Variants in RASAL2 observed in about 807,000 individuals in gnomAD.
The protein encoded by RASAL2 is ras GTPase-activating protein nGAP.
In RASAL2, 58 loss-of-function variants were observed where a neutral mutation model predicts 128.9. The observed-to-expected ratio is 0.45, with a 90% CI of 0.36 to 0.56. The LOEUF (loss-of-function observed/expected upper bound fraction) is 0.56, where lower values mean the gene tolerates loss of function less well. RASAL2 is among the 20% of genes least tolerant of loss of function. The pLI is 0.00. For synonymous variants in RASAL2, 561 were observed against 580.8 expected (o/e 0.97, Z 0.49); for missense variants, 1,360 against 1,601.6 (o/e 0.85, Z 2.57).
At chr1:178,367,990 A>C (rs2102504632) in intron 3 of RASAL2, among the ~76,000 whole-genome samples, 1 of 152,320 alleles carries the variant, frequency 6.6e-6, no homozygotes, top group African/African-American at 2.4e-5. Context: ...ATTGGAACAC[A>C]GCCATGCCCA....
At chr1:178,390,648 G>A (rs2102607048) in intron 4 of RASAL2, among the ~76,000 whole-genome samples, 1 of 152,144 alleles carries the variant, frequency 6.6e-6, no homozygotes, top group East Asian at 1.9e-4. Flanking sequence ...CAAAGTGTTG[G>A]GATTACAGGC....
At chr1:178,204,990 G>A (rs2101973459) in intron 1 of RASAL2, among the ~76,000 whole-genome samples, 1 of 152,272 alleles carries the variant, frequency 6.6e-6, no homozygotes, top group East Asian at 1.9e-4. Flanking sequence ...ATCATCTGGT[G>A]TCAAAGCATC....
At chr1:178,462,065 TTGA>T (rs1678238543) in intron 14 of RASAL2, among the ~76,000 whole-genome samples, 1 of 152,214 alleles carries the variant, frequency 6.6e-6, no homozygotes, top group Non-Finnish European at 1.5e-5. Context: ...TTCATTATCT[TTGA>T]TGATCATGTT....
chr1:178,301,207 G>A (rs1442546483), intron 3 of RASAL2, among the ~76,000 whole-genome samples: 1 of 152,128 alleles, frequency 6.6e-6, no homozygotes, highest in Admixed American at 6.5e-5. Context: ...GAGCCACCTT[G>A]GAGAAGTCAG....
chr1:178,277,890 G>A (rs1425374880), intron 1 of RASAL2, among the ~76,000 whole-genome samples: 1 of 152,130 alleles, frequency 6.6e-6, no homozygotes, highest in Non-Finnish European at 1.5e-5. Flanking sequence ...CCTTTATAAA[G>A]CTTTCTCTGG....
At chr1:178,223,546 G>T (rs1663689044) in intron 1 of RASAL2, among the ~76,000 whole-genome samples, 1 of 152,058 alleles carries the variant, frequency 6.6e-6, no homozygotes, top group African/African-American at 2.4e-5. Context: ...GGGTAGAGTG[G>T]GTATGAGTAG....
intron 1 of RASAL2, among the ~76,000 whole-genome samples, chr1:178,274,484 C>T (rs534441258): frequency 2.6e-5 from 4 of 152,206 alleles, no homozygotes; most frequent in South Asian, 2.1e-4. Context: ...ATTTTTCTGT[C>T]GGTAACAGAA....
At chr1:178,368,299 C>A (rs550922516) in intron 3 of RASAL2, among the ~76,000 whole-genome samples, 1 of 152,130 alleles carries the variant, frequency 6.6e-6, no homozygotes, top group Non-Finnish European at 1.5e-5. Flanking sequence ...ATACTTATCT[C>A]ACGTGGTTGT....
intron 1 of RASAL2, among the ~76,000 whole-genome samples, chr1:178,128,770 C>T (rs1015965403): frequency 2.6e-5 from 4 of 152,206 alleles, no homozygotes; most frequent in Non-Finnish European, 4.4e-5. Flanking sequence ...CATTTCAATA[C>T]ATAGAATCAT....
At chr1:178,428,322 G>T (rs377413267) in intron 5 of RASAL2, among the ~76,000 whole-genome samples, 1 of 151,906 alleles carries the variant, frequency 6.6e-6, no homozygotes, top group Non-Finnish European at 1.5e-5. Context: ...GGGTTCTATG[G>T]TATGTACATG....
chr1:178,232,440 A>T (rs1571669669), intron 1 of RASAL2, among the ~76,000 whole-genome samples: 2 of 152,136 alleles, frequency 1.3e-5, no homozygotes, highest in South Asian at 4.1e-4. Context: ...TCTTCCAGAA[A>T]TTTTTTAAGT....
chr1:178,096,200 C>A (rs1485455718), intron 1 of RASAL2, among the ~76,000 whole-genome samples: 1 of 152,180 alleles, frequency 6.6e-6, no homozygotes, highest in Non-Finnish European at 1.5e-5. Context: ...ATTGTAGTTA[C>A]AACGTTTTCC....
intron 3 of RASAL2, among the ~76,000 whole-genome samples, chr1:178,360,322 G>C (rs1257106127): frequency 6.6e-6 from 1 of 152,134 alleles, no homozygotes; most frequent in Non-Finnish European, 1.5e-5. Flanking sequence ...TACTTAGCCA[G>C]ACATGAAATT....
At chr1:178,332,066 C>T (rs1309341191) in intron 3 of RASAL2, among the ~76,000 whole-genome samples, 4 of 151,972 alleles carry the variant, frequency 2.6e-5, no homozygotes, top group Non-Finnish European at 5.9e-5. Flanking sequence ...AAATTTAAAA[C>T]GTGTCATAAA....
At chr1:178,266,021 A>G (rs1665931167) in intron 1 of RASAL2, among the ~76,000 whole-genome samples, 1 of 151,952 alleles carries the variant, frequency 6.6e-6, no homozygotes. Context: ...TTTATTTTGG[A>G]TTGTTTCTAG....
intron 1 of RASAL2, among the ~76,000 whole-genome samples, chr1:178,258,166 C>T (rs1254414175): frequency 6.6e-6 from 1 of 151,646 alleles, no homozygotes; most frequent in Non-Finnish European, 1.5e-5. Context: ...TGGTGGCACG[C>T]ACCTGTAGTC....
In RASAL2 at chr1:178,115,694, A is replaced by AT. The variant is rs551583856; in HGVS notation, c.202+21004dup. Among the ~76,000 whole-genome samples the AT allele has an allele frequency of 5.5e-3, 837 of 152,314 alleles. 11 individuals are homozygous for AT. The highest frequency in any genetic ancestry group is 0.019 in the African/African-American group (784 of 41,582). ...CTGGAAGGTGATGCCTGGTATCTTT[A>AT]TTTTCAAAAAGACCACTCTGGTTGT... On this transcript the variant is annotated intron_variant, in intron 1 of 17. Coordinates refer to ENST00000367649, the MANE Select transcript of RASAL2 (RefSeq NM_170692.4).
intron 1 of RASAL2, among the ~76,000 whole-genome samples, chr1:178,139,388 T>C (rs144594864): frequency 0.023 from 3,568 of 152,192 alleles, 64 homozygotes; most frequent in Middle Eastern, 0.062. Context: ...TTATTCATTA[T>C]CTGATTACAG....
chr1:178,452,700 C>G (rs753639946), intron 11 of RASAL2, 48 bp downstream of exon 11: 1 of 1,486,356 alleles, frequency 6.7e-7, no homozygotes, highest in East Asian at 2.3e-5. Context: ...TTAAAAAATA[C>G]TTGAGGCCTA....
Sources: allele counts gnomAD v4.1 joint callset (sites outside exome capture counted in the v4.1 genomes callset), GRCh38; gene constraint gnomAD v4.1.1; transcripts MANE v1.5; gene names NCBI Gene and HGNC (gene_info 2026-07-23, HGNC 2026-07-21).